PKIA: variants seen among roughly 807,000 people sequenced by gnomAD.
The protein encoded by PKIA is cAMP-dependent protein kinase inhibitor alpha.
A neutral mutation model predicts 7.6 loss-of-function variants in PKIA; 4 were observed. That is an observed-to-expected ratio of 0.52 (90% confidence interval 0.26 to 1.20). The LOEUF is 1.20. Ranked by LOEUF, PKIA falls within the 50% of genes most tolerant of loss-of-function variation. The pLI, the probability that PKIA is intolerant of heterozygous loss-of-function variation, is 0.13. For synonymous variants in PKIA, 21 were observed against 30.7 expected, an observed-to-expected ratio of 0.68 and a Z score of 1.04; for missense variants, 73 against 86.2, an observed-to-expected ratio of 0.85 and a Z score of 0.61.
At chr8:78,537,592 C>A (rs1186667556) in intron 1 of PKIA, among the ~76,000 whole-genome samples, 2 of 141,914 alleles carry the variant, frequency 1.4e-5, no homozygotes, top group Admixed American at 1.4e-4. Flanking sequence ...CTCCGTCCCA[C>A]CCCCCACCGC....
chr8:78,597,928 A>G (rs576323379), intron 2 of PKIA, among the ~76,000 whole-genome samples: 1 of 152,108 alleles, frequency 6.6e-6, no homozygotes, highest in East Asian at 1.9e-4. Context: ...GCTGAAGGCC[A>G]TTATCCTAAG....
intron 1 of PKIA, among the ~76,000 whole-genome samples, chr8:78,551,454 C>T (rs969694752): frequency 6.6e-6 from 1 of 152,010 alleles, no homozygotes; most frequent in Non-Finnish European, 1.5e-5. Flanking sequence ...TCACCCTCAC[C>T]TCTGTTGCCC....
chr8:78,572,778 T>C (rs528907727), intron 1 of PKIA, 33 bp from the exon 2 acceptor site: 1 of 150,648 alleles, frequency 6.6e-6, no homozygotes, highest in African/African-American at 2.5e-5. Context: ...TATGTACAGA[T>C]AATTTCCCTT....
intron 1 of PKIA, among the ~76,000 whole-genome samples, chr8:78,571,470 G>T (rs1807546149): frequency 6.6e-6 from 1 of 152,074 alleles, no homozygotes; most frequent in African/African-American, 2.4e-5. Flanking sequence ...AAGTGTGCAG[G>T]AGATAACATA....
chr8:78,528,054 C>T (rs750464435), intron 1 of PKIA, among the ~76,000 whole-genome samples: 136 of 152,184 alleles, frequency 8.9e-4, no homozygotes, highest in Non-Finnish European at 1.7e-3. Flanking sequence ...TACCATGGGA[C>T]ATTTCAGTTC....
chr8:78,520,637 A>T (rs1809397693), intron 1 of PKIA, among the ~76,000 whole-genome samples: 1 of 152,204 alleles, frequency 6.6e-6, no homozygotes, highest in African/African-American at 2.4e-5. Context: ...GAGCCATCAG[A>T]ATAGTTTCAA....
intron 1 of PKIA, among the ~76,000 whole-genome samples, chr8:78,520,992 G>T (rs1809404903): frequency 1.3e-5 from 2 of 152,034 alleles, no homozygotes; most frequent in South Asian, 4.1e-4. Context: ...TGATGACTAG[G>T]AAGCAAGTGC....
chr8:78,548,690 A>G (rs1332486502), intron 1 of PKIA, among the ~76,000 whole-genome samples: 1 of 152,118 alleles, frequency 6.6e-6, no homozygotes, highest in African/African-American at 2.4e-5. Flanking sequence ...AGGCCTGTCA[A>G]TAAAGGTCAA....
At chr8:78,572,158 CCATCT>C (rs1011767051) in intron 1 of PKIA, among the ~76,000 whole-genome samples, 1 of 152,006 alleles carries the variant, frequency 6.6e-6, no homozygotes, top group African/African-American at 2.4e-5. Flanking sequence ...AACCTAATAT[CCATCT>C]TTCTAAATCT....
At chr8:78,580,386 T>A (rs1045512761) in intron 2 of PKIA, among the ~76,000 whole-genome samples, 1 of 152,056 alleles carries the variant, frequency 6.6e-6, no homozygotes, top group Non-Finnish European at 1.5e-5. Flanking sequence ...CACTTTCCTT[T>A]CCTCATCCTC....
intron 1 of PKIA, among the ~76,000 whole-genome samples, chr8:78,542,283 C>T (rs1252351781): frequency 6.6e-6 from 1 of 152,158 alleles, no homozygotes; most frequent in Non-Finnish European, 1.5e-5. Flanking sequence ...ATGGCCCTCT[C>T]TCTGTTCAGG....
intron 2 of PKIA, among the ~76,000 whole-genome samples, chr8:78,584,858 G>A (rs1316725069): frequency 6.6e-6 from 1 of 151,988 alleles, no homozygotes; most frequent in African/African-American, 2.4e-5. Flanking sequence ...AGTTCACAGA[G>A]ACCTCTTCCT....
At chr8:78,552,605 C>A (rs866784817) in intron 1 of PKIA, among the ~76,000 whole-genome samples, 2 of 151,946 alleles carry the variant, frequency 1.3e-5, no homozygotes, top group South Asian at 2.1e-4. Flanking sequence ...GAATCAGGCA[C>A]CCTTAACAGG....
chr8:78,524,571 A>G (rs768090700), intron 1 of PKIA, among the ~76,000 whole-genome samples: 20 of 151,846 alleles, frequency 1.3e-4, no homozygotes, highest in Non-Finnish European at 2.5e-4. Flanking sequence ...GAGTTTTATG[A>G]TAACTAAAAA....
At chr8:78,528,455 A>G (rs1295385598) in intron 1 of PKIA, among the ~76,000 whole-genome samples, 1 of 152,076 alleles carries the variant, frequency 6.6e-6, no homozygotes, top group Non-Finnish European at 1.5e-5. Flanking sequence ...CAGACCTGTC[A>G]ATTAGAAGAT....
chr8:78,538,458 A>G (rs1315665787), intron 1 of PKIA, among the ~76,000 whole-genome samples: 2 of 152,058 alleles, frequency 1.3e-5, no homozygotes, highest in Admixed American at 1.3e-4. Flanking sequence ...ACTAACTAGA[A>G]TAATTCTCAA....
chr8:78,575,232 C>T (rs954515299), intron 2 of PKIA, among the ~76,000 whole-genome samples: 2 of 151,758 alleles, frequency 1.3e-5, no homozygotes, highest in Non-Finnish European at 2.9e-5. Flanking sequence ...CTGGAATCAA[C>T]GCTGCAGAAT....
chr8:78,597,577 A>G (rs1808254172), intron 2 of PKIA, among the ~76,000 whole-genome samples: 2 of 151,886 alleles, frequency 1.3e-5, no homozygotes, highest in South Asian at 4.1e-4. Context: ...ACCACTTTTT[A>G]CTTAGCACCC....
At chr8:78,568,064 A>C (rs910092338) in intron 1 of PKIA, among the ~76,000 whole-genome samples, 3 of 152,060 alleles carry the variant, frequency 2.0e-5, no homozygotes, top group Non-Finnish European at 4.4e-5. Flanking sequence ...TCTGGGTGCT[A>C]TATTTGCTCA....
Sources: allele counts gnomAD v4.1 joint callset (sites outside exome capture counted in the v4.1 genomes callset), GRCh38; gene constraint gnomAD v4.1.1; transcripts MANE v1.5; gene names NCBI Gene and HGNC (gene_info 2026-07-23, HGNC 2026-07-21).